ASB13: variants seen among roughly 807,000 people sequenced by gnomAD.
The protein encoded by ASB13 is ankyrin repeat and SOCS box containing 13.
A neutral mutation model predicts 28.8 loss-of-function variants in ASB13; 33 were observed. The ratio of observed to expected loss-of-function variants is 1.15; its 90% CI spans 0.87 to 1.53. The LOEUF is 1.53. Ranked by LOEUF, ASB13 falls within the 40% of genes most tolerant of loss-of-function variation. The pLI, the probability that ASB13 is intolerant of heterozygous loss-of-function variation, is 0.00. For synonymous variants in ASB13, 182 were observed against 172.9 expected (o/e 1.05, Z -0.41); for missense variants, 414 against 390.1 (o/e 1.06, Z -0.52).
rs1456752339 is a variant in ASB13 at position 5,653,054 on chromosome 10, G to T, written c.44-4C>A. 6.5e-7 allele frequency: 1 copy of T among 1,538,178 alleles called. No individual in the cohort carries two copies. Among genetic ancestry groups the T allele is most frequent in the African/African-American group, 1.4e-5 (1 of 72,700 alleles). On this transcript the variant is annotated splice_region_variant and splice_polypyrimidine_tract_variant and intron_variant, in intron 1 of 5. Coordinates refer to ENST00000357700, the MANE Select transcript of ASB13 (RefSeq NM_024701.4). Reference sequence around the variant, plus strand: ...GGGGTCCGCTCCACCCAGAAACCTGGAAAGGAAGGGGACCTCAGGCTAAGA... The same window carrying T: ...GGGGTCCGCTCCACCCAGAAACCTGTAAAGGAAGGGGACCTCAGGCTAAGA...
intron 1 of ASB13, among the ~76,000 whole-genome samples, 177 bp downstream of exon 1, chr10:5,666,332 G>A (rs1002762471): frequency 3.9e-5 from 6 of 152,182 alleles, no homozygotes; most frequent in Non-Finnish European, 7.4e-5. Context: ...GCCCGTCTGG[G>A]ATGCGCGGCA....
chr10:5,640,546 A>T lies in ASB13; in HGVS notation c.*157T>A. ...CAACACCCTGGAAACATTATCCAGG[A>T]TCCAGGAGAGAAGCCTAAACAGGAT... On this transcript the variant is annotated 3_prime_UTR_variant, in exon 6 of 6. Transcript: ENST00000357700. 1 of 936,784 alleles carries T rather than the reference A, an allele frequency of 1.1e-6. No individual in the cohort carries two copies. Among genetic ancestry groups the T allele is most frequent in the East Asian group, 2.7e-5 (1 of 37,262 alleles). 58.0% of individuals were successfully genotyped at this position (936,784 alleles called of 1,614,324 possible).
At chr10:5,648,184 C>CGGGTAAACACCCACGA (rs1427316203) in intron 4 of ASB13, among the ~76,000 whole-genome samples, 27 of 151,390 alleles carry the variant, frequency 1.8e-4, no homozygotes, top group Admixed American at 9.2e-4. Flanking sequence ...AACACCCACT[C>CGGGTAAACACCCACGA]AGGTAAACAC....
rs138224488 is a variant in ASB13, at chr10:5,651,483, A to G, written c.232-120T>C. 2.9e-5 allele frequency: 35 copies of G among 1,187,406 alleles called. No individual in the cohort carries two copies. The highest frequency in any genetic ancestry group is 3.9e-5 in the Non-Finnish European group (34 of 862,526). The allele number at this position is 1,187,406 out of a possible 1,614,324, so 73.6% of individuals were successfully genotyped here. A position where few individuals can be genotyped will look rare whatever the true frequency, so the allele number is the denominator to read the frequency against. On this transcript the variant is annotated intron_variant, in intron 2 of 5. Transcript: ENST00000357700. The surrounding 1 kb of genome is among the most constrained non-coding windows in gnomAD (Gnocchi z 5.1). The stretch of plus-strand genomic sequence containing the variant: ...CTTAGAAGCACCGGTTTGCTTTGCT[A>G]TTATGTGCTAGGCAACGACACTGAA...
At position 5,655,202 on chromosome 10, in the gene ASB13, C is replaced by T. The variant is rs537558923; in HGVS notation, c.44-2152G>A. Among the ~76,000 whole-genome samples, 1 of 152,264 alleles carries T rather than the reference C, an allele frequency of 6.6e-6. No individual in the cohort carries two copies. The highest frequency in any genetic ancestry group is 1.5e-5 in the Non-Finnish European group (1 of 68,030). On this transcript the variant is annotated intron_variant, in intron 1 of 5. Transcript: ENST00000357700. The surrounding 1 kb of genome is among the most constrained non-coding windows in gnomAD (Gnocchi z 6.2). ...CTGCTTTTAGAGATCCCCACATTGC[C>T]ACCTTCCCCCACCTCTGCCTTGGGC...
chr10:5,665,012 A>G (rs1045460638), intron 1 of ASB13, among the ~76,000 whole-genome samples: 3 of 152,176 alleles, frequency 2.0e-5, no homozygotes, highest in Non-Finnish European at 4.4e-5. Context: ...ACCCGCCACA[A>G]TGCTCGGCTA....
intron 4 of ASB13, among the ~76,000 whole-genome samples, chr10:5,647,187 G>C (rs78909240): frequency 0.12 from 17,644 of 152,170 alleles, 1,043 homozygotes; most frequent in South Asian, 0.2. Context: ...TGAAACTCCC[G>C]GGCTCAAGCA....
intron 1 of ASB13, among the ~76,000 whole-genome samples, chr10:5,662,821 G>T (rs1835198032): frequency 6.6e-6 from 1 of 152,168 alleles, no homozygotes. Flanking sequence ...ACTAAAGACA[G>T]TGTACGTGAC....
Position 5,664,916 on chromosome 10 carries a change from G to A in ASB13, c.43+1593C>T, listed in dbSNP as rs1256951147. ...TTGTCACCCAGGCTGGAGTGCAATG[G>A]CCCAATCTCGGCTTACTGCAACCTC... is the stretch of plus-strand genomic sequence containing the variant. On this transcript the variant is annotated intron_variant, in intron 1 of 5. Transcript: ENST00000357700. This position sits in a 1 kb window ranked among gnomAD's most constrained non-coding sequence, Gnocchi z 4.2. 1.3e-5 allele frequency among the ~76,000 whole-genome samples: 2 copies of A among 152,100 alleles called. No homozygotes were observed. Among genetic ancestry groups the A allele is most frequent in the African/African-American group, 4.8e-5 (2 of 41,398 alleles).
chr10:5,662,963 A>G (rs1835200570), intron 1 of ASB13, among the ~76,000 whole-genome samples: 1 of 152,180 alleles, frequency 6.6e-6, no homozygotes, highest in Non-Finnish European at 1.5e-5. Flanking sequence ...TTATTTTTCT[A>G]TGTAGAAACT....
At position 5,661,899 on chromosome 10, in the gene ASB13, A is replaced by G. The variant is rs1835172714; in HGVS notation, c.43+4610T>C. Among the ~76,000 whole-genome samples the G allele has an allele frequency of 6.6e-6, 1 of 152,182 alleles. No homozygotes were observed. Among genetic ancestry groups the G allele is most frequent in the Admixed American group, 6.5e-5 (1 of 15,278 alleles). On this transcript the variant is annotated intron_variant, in intron 1 of 5. Coordinates refer to ENST00000357700, the MANE Select transcript of ASB13 (RefSeq NM_024701.4). This position sits in a 1 kb window ranked among gnomAD's most constrained non-coding sequence, Gnocchi z 4.9. The stretch of plus-strand genomic sequence containing the variant: ...GCTGCAGAAATGTCATTTCTGCGTC[A>G]AAAACAACCAGCAGCCTCTGTAAGA...
At position 5,650,038 on chromosome 10, in the gene ASB13, G is replaced by A. The variant is rs928786533; in HGVS notation, c.383-934C>T. Among the ~76,000 whole-genome samples, 1 of 152,142 alleles carries A rather than the reference G, an allele frequency of 6.6e-6. No homozygotes were observed. The highest frequency in any genetic ancestry group is 6.5e-5 in the Admixed American group (1 of 15,280). On this transcript the variant is annotated intron_variant, in intron 3 of 5. Coordinates refer to ENST00000357700, the MANE Select transcript of ASB13 (RefSeq NM_024701.4). The surrounding 1 kb of genome is among the most constrained non-coding windows in gnomAD (Gnocchi z 6.0). ...CCCCAGAGCCATGTGCTGGCCACCGGCCGGTGTCTCCCACTCTAGAGCCCT... is the reference window on the plus strand; with the variant it reads ...CCCCAGAGCCATGTGCTGGCCACCGACCGGTGTCTCCCACTCTAGAGCCCT...
chr10:5,662,539 GGGAGGGGAGGGGA>G (rs1193261406), intron 1 of ASB13, among the ~76,000 whole-genome samples: 1 of 40,338 alleles, frequency 2.5e-5, no homozygotes, highest in Admixed American at 1.8e-4. Flanking sequence ...AGAAGGGGGG[GGGAGGGGAGGGGA>G]GGGGAGGGGA....
At position 5,651,660 on chromosome 10, in the gene ASB13, A is replaced by T. The variant is rs1234039581; in HGVS notation, c.232-297T>A. 4.8e-5 allele frequency: 13 copies of T among 268,362 alleles called. No individual in the cohort carries two copies. The highest frequency in any genetic ancestry group is 9.1e-5 in the Non-Finnish European group (13 of 143,206). The allele number at this position is 268,362 out of a possible 1,614,324, so 16.6% of individuals were successfully genotyped here. ...AGTAAGCACAGAGCAGGACAGGGGAACCCTAGGCTGCAAGCTGGGAAAGGC... is the reference window on the plus strand; with the variant it reads ...AGTAAGCACAGAGCAGGACAGGGGATCCCTAGGCTGCAAGCTGGGAAAGGC... On this transcript the variant is annotated intron_variant, in intron 2 of 5. Transcript: ENST00000357700. This position sits in a 1 kb window ranked among gnomAD's most constrained non-coding sequence, Gnocchi z 5.1.
Position 5,651,246 on chromosome 10 carries a change from TG to T in ASB13, c.348del (p.Tyr116Ter), listed in dbSNP as rs1438292587. ...CAGGCCTCGTGCAGGGGGGACGCTG[TG>T]TACAGGGGAGGGTTGACCTTGGCCC... Reference protein sequence around the residue: ...SYGAKVNPPLYTASPLHEACM... With the variant: ...SYGAKVNPPLXTASPLHEACM... On this transcript the variant is annotated frameshift_variant, in exon 3 of 6. Transcript: ENST00000357700. LOFTEE classifies it high-confidence loss of function. The surrounding 1 kb of genome is among the most constrained non-coding windows in gnomAD (Gnocchi z 5.1). The T allele has an allele frequency of 4.3e-6, 7 of 1,613,498 alleles. No individual in the cohort carries two copies. Among genetic ancestry groups the T allele is most frequent in the Non-Finnish European group, 8.5e-7 (1 of 1,179,756 alleles).
rs1393331771 is a variant in ASB13 at position 5,648,961 on chromosome 10, C to G, written c.517+9G>C. On this transcript the variant is annotated intron_variant, in intron 4 of 5. Transcript: ENST00000357700. ...AGGTAAACACCCGCTCGGGCAAACA[C>G]CCACTCACCTGCATTGAGCAGCACT... 1.3e-5 allele frequency: 21 copies of G among 1,613,498 alleles called. No individual in the cohort carries two copies. The highest frequency in any genetic ancestry group is 1.8e-5 in the Non-Finnish European group (21 of 1,179,444).
At chr10:5,657,024 G>C (rs1398414986) in intron 1 of ASB13, among the ~76,000 whole-genome samples, 4 of 152,258 alleles carry the variant, frequency 2.6e-5, no homozygotes, top group East Asian at 3.9e-4. Context: ...CCAAATCTGG[G>C]TTCAGTTACA....
Position 5,642,020 on chromosome 10 carries a change from C to A in ASB13, c.518-59G>T. The A allele has an allele frequency of 1.3e-6, 2 of 1,537,518 alleles. No individual in the cohort carries two copies. Among genetic ancestry groups the A allele is most frequent in the Non-Finnish European group, 1.8e-6 (2 of 1,124,070 alleles). Reference sequence around the variant, plus strand: ...AGAAGAGAACTTGAAGTCAGGGGGACAATCAGGTCCGTTTCGTCACACAGC... The same window carrying A: ...AGAAGAGAACTTGAAGTCAGGGGGAAAATCAGGTCCGTTTCGTCACACAGC... On this transcript the variant is annotated intron_variant, in intron 4 of 5. Coordinates refer to ENST00000357700, the MANE Select transcript of ASB13 (RefSeq NM_024701.4). The surrounding 1 kb of genome is among the most constrained non-coding windows in gnomAD (Gnocchi z 4.1).
intron 1 of ASB13, among the ~76,000 whole-genome samples, chr10:5,662,539 GGGAGGGGA>G (rs1384605623): frequency 7.4e-5 from 3 of 40,276 alleles, no homozygotes; most frequent in Non-Finnish European, 1.1e-4. Flanking sequence ...AGAAGGGGGG[GGGAGGGGA>G]GGGGAGGGGA....
Sources: gnomAD v4.1 joint callset for allele counts (sites outside exome capture counted in the v4.1 genomes callset) on GRCh38, gnomAD v4.1.1 for gene constraint, Gnocchi (gnomAD v3.1) non-coding constraint, MANE v1.5 for transcripts, NCBI Gene and HGNC (gene_info 2026-07-23, HGNC 2026-07-21) for gene names.